The following WIPF1 variants were observed in gnomAD, a reference collection of about 807,000 sequenced individuals.
The protein encoded by WIPF1 is WAS/WASL-interacting protein family member 1.
WIPF1 carries 13 observed loss-of-function variants against 35.4 expected under a neutral mutation model. The observed-to-expected ratio is 0.37, with a 90% confidence interval of 0.24 to 0.58. WIPF1 has a LOEUF of 0.58. Ranked by LOEUF, WIPF1 falls within the 20% of genes least tolerant of loss-of-function variation. The pLI is 0.74. For synonymous variants in WIPF1, 267 were observed against 266.3 expected (o/e 1.00, Z -0.02); for missense variants, 591 against 667.0 (o/e 0.89, Z 1.25).
At chr2:174,638,361 T>C (rs1687228782) in intron 1 of WIPF1, among the ~76,000 whole-genome samples, 1 of 152,216 alleles carries the variant, frequency 6.6e-6, no homozygotes, top group South Asian at 2.1e-4. Context: ...TCAGGGTAGT[T>C]AGCATATCCA....
rs373246034 is a variant in WIPF1 at position 174,661,034 on chromosome 2, C to T, written c.-39+21740G>A. On this transcript the variant is annotated intron_variant, in intron 1 of 8. Coordinates refer to the WIPF1 transcript ENST00000272746. Reference sequence around the variant, plus strand: ...GCCTAGAAGGCATCTCAATATCTTCCCTGCATTGCACTGCAGTCCGGCTCA... The same window carrying T: ...GCCTAGAAGGCATCTCAATATCTTCTCTGCATTGCACTGCAGTCCGGCTCA... 6.6e-5 allele frequency among the ~76,000 whole-genome samples: 10 copies of T among 152,356 alleles called. No individual in the cohort carries two copies. In the East Asian group the frequency reaches 1.9e-3, roughly 29 times the overall value.
At chr2:174,650,306 C>G (rs1356411129) in intron 1 of WIPF1, among the ~76,000 whole-genome samples, 1 of 152,152 alleles carries the variant, frequency 6.6e-6, no homozygotes, top group Non-Finnish European at 1.5e-5. Context: ...TGACTGCCTC[C>G]CAGCAACTGA....
intron 1 of WIPF1, among the ~76,000 whole-genome samples, chr2:174,621,521 C>T (rs1452994277): frequency 5.9e-5 from 9 of 152,036 alleles, no homozygotes; most frequent in African/African-American, 2.2e-4. Flanking sequence ...ATCGCCCACA[C>T]ACTTGGATAC....
intron 3 of WIPF1, 94 bp from the exon 4 acceptor site, chr2:174,575,474 G>A (rs979364427): frequency 7.6e-6 from 11 of 1,448,372 alleles, no homozygotes; most frequent in Non-Finnish European, 9.1e-6. Flanking sequence ...GCCGGCTCTC[G>A]GCCTCCAGTG....
intron 1 of WIPF1, among the ~76,000 whole-genome samples, chr2:174,653,741 C>CAAAAAAAA (rs1175251483): frequency 6.9e-5 from 4 of 57,838 alleles, no homozygotes; most frequent in Non-Finnish European, 1.1e-4. Context: ...GCCTCTGTCT[C>CAAAAAAAA]AAAAAAAAAA....
chr2:174,630,403 TG>T (rs933351880), intron 1 of WIPF1: 33 of 152,338 alleles, frequency 2.2e-4, no homozygotes, highest in African/African-American at 7.7e-4. Context: ...TACTGGATGT[TG>T]TATAAGCTGG....
chr2:174,657,590 C>T (rs1210049499), intron 1 of WIPF1, among the ~76,000 whole-genome samples: 2 of 151,932 alleles, frequency 1.3e-5, no homozygotes, highest in African/African-American at 4.8e-5. Context: ...AGAATAAAAG[C>T]TAGACTTAAA....
intron 1 of WIPF1, among the ~76,000 whole-genome samples, chr2:174,662,395 C>T (rs1687796959): frequency 6.6e-6 from 1 of 152,178 alleles, no homozygotes; most frequent in African/African-American, 2.4e-5. Context: ...GTAACTCTTT[C>T]CCTGGATTGG....
intron 1 of WIPF1, among the ~76,000 whole-genome samples, chr2:174,633,662 A>C (rs6735680): frequency 0.72 from 108,785 of 151,650 alleles, 39,668 homozygotes; most frequent in East Asian, 0.97. Context: ...CAGGAAGAAT[A>C]ATCTTGGGCC....
chr2:174,652,735 G>A (rs1352921151), intron 1 of WIPF1, among the ~76,000 whole-genome samples: 2 of 151,028 alleles, frequency 1.3e-5, no homozygotes, highest in African/African-American at 2.4e-5. Context: ...GTCAGTGGAA[G>A]TACTGGGGAC....
At chr2:174,631,720 A>G (rs983151355) in intron 1 of WIPF1, among the ~76,000 whole-genome samples, 12 of 152,250 alleles carry the variant, frequency 7.9e-5, no homozygotes, top group Non-Finnish European at 1.2e-4. Flanking sequence ...TGAGAAATCC[A>G]GAGACCTGGG....
chr2:174,591,352 T>C (rs539638252), intron 1 of WIPF1, among the ~76,000 whole-genome samples: 1 of 152,364 alleles, frequency 6.6e-6, no homozygotes, highest in East Asian at 1.9e-4. Context: ...TATTATCCAT[T>C]GTGGAAACAA....
chr2:174,593,775 A>T (rs2105863344), intron 1 of WIPF1, among the ~76,000 whole-genome samples: 1 of 152,250 alleles, frequency 6.6e-6, no homozygotes. Context: ...CAGCTCTACC[A>T]TCCCTTCCCC....
chr2:174,678,176 C>G (rs1399267212), intron 1 of WIPF1, among the ~76,000 whole-genome samples: 1 of 152,054 alleles, frequency 6.6e-6, no homozygotes, highest in East Asian at 1.9e-4. Flanking sequence ...ATTTCATTCA[C>G]TTAAATTAAT....
In WIPF1 at chr2:174,643,675, T is replaced by C. The variant is rs549262054; in HGVS notation, c.-39+39099A>G. 4.4e-5 allele frequency among the ~76,000 whole-genome samples: 6 copies of C among 137,370 alleles called. 1 individual carries two copies. The highest frequency in any genetic ancestry group is 1.8e-4 in the African/African-American group (5 of 27,820). The allele number at this position is 137,370 out of a possible 152,430, so 90.1% of individuals were successfully genotyped here. On this transcript the variant is annotated intron_variant, in intron 1 of 8. Transcript: ENST00000272746. ...TCTGCCCACCTTGGCCTCCCAAAGT[T>C]CTGGGATTACAGGCGTGAGCCACCA...
At position 174,648,406 on chromosome 2, in the gene WIPF1, T is replaced by C. The variant is rs1687462913; in HGVS notation, c.-39+34368A>G. On this transcript the variant is annotated intron_variant, in intron 1 of 8. Transcript: ENST00000272746. ...ATGACACATCTGCATACAGAAATGATCAGCCATCTCTGTGTCTAATAACAT... is the reference window on the plus strand; with the variant it reads ...ATGACACATCTGCATACAGAAATGACCAGCCATCTCTGTGTCTAATAACAT... 2.6e-5 allele frequency among the ~76,000 whole-genome samples: 4 copies of C among 152,356 alleles called. No individual in the cohort carries two copies. In the South Asian group the frequency reaches 8.3e-4, roughly 32 times the overall value.
intron 1 of WIPF1, among the ~76,000 whole-genome samples, chr2:174,640,956 T>C (rs769041706): frequency 2.0e-5 from 3 of 152,166 alleles, no homozygotes; most frequent in Non-Finnish European, 4.4e-5. Context: ...AAAGCAATCC[T>C]GAGCAAAAAG....
upstream of WIPF1, among the ~76,000 whole-genome samples, chr2:174,601,800 G>A (rs1686017053): frequency 6.6e-6 from 1 of 152,250 alleles, no homozygotes. Flanking sequence ...AGAAACAGGG[G>A]TCCAGAGAAG....
Position 174,562,227 on chromosome 2 carries a change from A to G in WIPF1, c.*320T>C. On this transcript the variant is annotated 3_prime_UTR_variant, in exon 8 of 8. Transcript: ENST00000679041. ...TAATTACAGTCTGTAACAAATAAGC[A>G]GTGAATGTTTGAATTTGGTTGGTGG... is the stretch of plus-strand genomic sequence containing the variant. 1 of 1,545,692 alleles carries G rather than the reference A, an allele frequency of 6.5e-7. No individual in the cohort carries two copies. The highest frequency in any genetic ancestry group is 8.7e-7 in the Non-Finnish European group (1 of 1,143,242).
Sources: gnomAD v4.1 joint callset for allele counts (sites outside exome capture counted in the v4.1 genomes callset) on GRCh38, gnomAD v4.1.1 for gene constraint, MANE v1.5 for transcripts, NCBI Gene and HGNC (gene_info 2026-07-23, HGNC 2026-07-21) for gene names.